Variants in SCHIP1 observed in about 807,000 individuals in gnomAD.
The protein encoded by SCHIP1 is schwannomin-interacting protein 1.
Under a neutral mutation model 29.7 loss-of-function variants are expected in SCHIP1, and 8 were observed. That is an observed-to-expected ratio of 0.27 (90% CI 0.16 to 0.49). The LOEUF is 0.49. SCHIP1 is among the 20% of genes least tolerant of loss of function. The probability of loss-of-function intolerance (pLI) is 0.99; values close to 1 mark genes in which losing one functional copy is unlikely to be tolerated. For synonymous variants in SCHIP1, 76 were observed against 94.9 expected (o/e 0.80, Z 1.16); for missense variants, 193 against 294.6 (o/e 0.66, Z 2.52).
chr3:159,526,654 G>A, the SCHIP1 span, among the ~76,000 whole-genome samples: 2,673 of 152,300 alleles, frequency 0.018, 94 homozygotes, highest in African/African-American at 0.061. Flanking sequence ...GGAGATATAG[G>A]TTCCTGCGGA....
At chr3:159,474,763 C>G in the SCHIP1 span, among the ~76,000 whole-genome samples, 1 of 152,206 alleles carries the variant, frequency 6.6e-6, no homozygotes, top group East Asian at 1.9e-4. Flanking sequence ...AAAACACATT[C>G]CCTGGTCAAA....
At chr3:159,778,285 G>A in the SCHIP1 span, among the ~76,000 whole-genome samples, 1 of 152,200 alleles carries the variant, frequency 6.6e-6, no homozygotes, top group Non-Finnish European at 1.5e-5. Flanking sequence ...GAGCCACCGC[G>A]CCCGGCTAGG....
chr3:159,542,091 C>T, the SCHIP1 span, among the ~76,000 whole-genome samples: 7 of 152,012 alleles, frequency 4.6e-5, no homozygotes, highest in South Asian at 2.1e-4. Context: ...AATGAAAACA[C>T]GGTGTATCAA....
the SCHIP1 span, among the ~76,000 whole-genome samples, chr3:159,406,360 T>C: frequency 2.6e-5 from 4 of 152,142 alleles, no homozygotes; most frequent in Admixed American, 1.3e-4. Flanking sequence ...ACAAAAACTT[T>C]TATCCTAGAA....
At chr3:159,440,955 A>G in the SCHIP1 span, among the ~76,000 whole-genome samples, 2 of 152,222 alleles carry the variant, frequency 1.3e-5, no homozygotes, top group Non-Finnish European at 2.9e-5. Context: ...AGAGCTGTGT[A>G]GACTATTTTG....
the SCHIP1 span, among the ~76,000 whole-genome samples, chr3:159,675,231 C>T: frequency 1.8e-4 from 27 of 152,198 alleles, no homozygotes; most frequent in Non-Finnish European, 3.4e-4. Flanking sequence ...ATAGGCACAA[C>T]TTCTCCATGC....
the SCHIP1 span, among the ~76,000 whole-genome samples, chr3:159,294,360 T>A: frequency 6.6e-6 from 1 of 152,126 alleles, no homozygotes; most frequent in Non-Finnish European, 1.5e-5. Flanking sequence ...TGATTTGGGG[T>A]TCTCAATAAG....
chr3:159,484,155 A>G, the SCHIP1 span, among the ~76,000 whole-genome samples: 100,667 of 152,014 alleles, frequency 0.66, 33,666 homozygotes, highest in East Asian at 0.78. Flanking sequence ...ACTGTACTCC[A>G]ATTAGTTGAA....
At chr3:159,477,869 C>T in the SCHIP1 span, among the ~76,000 whole-genome samples, 1 of 144,820 alleles carries the variant, frequency 6.9e-6, no homozygotes, top group African/African-American at 2.6e-5. Flanking sequence ...CATCATGGAA[C>T]TTTTTGTGTT....
At chr3:159,453,416 T>G in the SCHIP1 span, among the ~76,000 whole-genome samples, 1 of 152,190 alleles carries the variant, frequency 6.6e-6, no homozygotes, top group Non-Finnish European at 1.5e-5. Flanking sequence ...ACCATCACCA[T>G]CGGCAGTTGG....
the SCHIP1 span, among the ~76,000 whole-genome samples, chr3:159,542,812 A>C: frequency 6.6e-6 from 1 of 152,100 alleles, no homozygotes; most frequent in Non-Finnish European, 1.5e-5. Flanking sequence ...CCTCCCACTG[A>C]ATGATCTGTT....
At chr3:159,292,632 A>G in the SCHIP1 span, among the ~76,000 whole-genome samples, 1 of 152,194 alleles carries the variant, frequency 6.6e-6, no homozygotes, top group Non-Finnish European at 1.5e-5. Flanking sequence ...TAAGAATGTC[A>G]TGAGGACTGA....
At chr3:159,324,153 T>C in the SCHIP1 span, among the ~76,000 whole-genome samples, 48 of 152,290 alleles carry the variant, frequency 3.2e-4, 1 homozygote, top group African/African-American at 1.0e-3. Flanking sequence ...CATTTTTATA[T>C]ATGGTACAGC....
the SCHIP1 span, among the ~76,000 whole-genome samples, chr3:159,379,395 G>A: frequency 6.6e-6 from 1 of 151,976 alleles, no homozygotes; most frequent in African/African-American, 2.4e-5. Context: ...CTAATTTTTT[G>A]TACCTTTAGT....
the SCHIP1 span, among the ~76,000 whole-genome samples, chr3:159,712,913 C>T: frequency 6.6e-6 from 1 of 150,596 alleles, no homozygotes; most frequent in African/African-American, 2.4e-5. Context: ...TGTAATCCCA[C>T]TTTGGGAGGC....
At chr3:159,843,001 CTTTTTTTTTTTTTTTTT>C (rs566940351) in intron 1 of SCHIP1, among the ~76,000 whole-genome samples, 1 of 63,710 alleles carries the variant, frequency 1.6e-5, no homozygotes, top group Non-Finnish European at 3.3e-5. Flanking sequence ...ATATTTCTTT[CTTTTTTTTTTTTTTTTT>C]TTTTTTTTTT....
the SCHIP1 span, among the ~76,000 whole-genome samples, chr3:159,508,972 T>A: frequency 1.3e-5 from 2 of 152,252 alleles, no homozygotes; most frequent in African/African-American, 2.4e-5. Flanking sequence ...GTTCTGTAGA[T>A]GTCTGTTAGG....
At chr3:159,299,863 A>G in the SCHIP1 span, among the ~76,000 whole-genome samples, 35 of 152,286 alleles carry the variant, frequency 2.3e-4, no homozygotes, top group South Asian at 2.5e-3. Context: ...AGGTTCAAAC[A>G]TACACTTAAG....
chr3:159,581,145 A>T, the SCHIP1 span, among the ~76,000 whole-genome samples: 2 of 152,188 alleles, frequency 1.3e-5, no homozygotes, highest in African/African-American at 4.8e-5. Flanking sequence ...GGGAATATGA[A>T]ATAGACATGT....
Sources: allele counts gnomAD v4.1 joint callset (sites outside exome capture counted in the v4.1 genomes callset), GRCh38; gene constraint gnomAD v4.1.1; transcripts MANE v1.5; gene names NCBI Gene and HGNC (gene_info 2026-07-23, HGNC 2026-07-21).